Variants in DGKB observed in about 807,000 individuals in gnomAD.
DGKB encodes 90 kDa diacylglycerol kinase.
In DGKB, 67 loss-of-function variants were observed where a neutral mutation model predicts 114.3. That is an observed-to-expected ratio of 0.59 (90% CI 0.48 to 0.72). The LOEUF (loss-of-function observed/expected upper bound fraction) is 0.72. Ranked by LOEUF, DGKB falls within the 30% of genes least tolerant of loss-of-function variation. The probability of loss-of-function intolerance (pLI) is 0.00; values close to 1 mark genes in which losing one functional copy is unlikely to be tolerated. For missense variants in DGKB, 907 were observed against 975.2 expected, an observed-to-expected ratio of 0.93 and a Z score of 0.93; for synonymous variants, 398 against 323.1, an observed-to-expected ratio of 1.23 and a Z score of -2.49.
chr7:14,296,056 G>A (rs1430023194), intron 23 of DGKB, among the ~76,000 whole-genome samples: 4 of 129,568 alleles, frequency 3.1e-5, no homozygotes, highest in East Asian at 4.6e-4. Flanking sequence ...TTTTTTTTCA[G>A]ACAAGAATCT....
intron 23 of DGKB, among the ~76,000 whole-genome samples, chr7:14,338,311 A>C (rs1158855056): frequency 1.3e-5 from 2 of 152,136 alleles, no homozygotes; most frequent in Non-Finnish European, 2.9e-5. Flanking sequence ...TACGAAGAAG[A>C]ATAACGAAAA....
chr7:14,702,890 T>C (rs1825455971), intron 6 of DGKB, among the ~76,000 whole-genome samples: 1 of 152,190 alleles, frequency 6.6e-6, no homozygotes, highest in South Asian at 2.1e-4. Flanking sequence ...GTTAGCCATG[T>C]CACTATAATA....
At position 14,955,770 on chromosome 7, in the gene DGKB, T is replaced by C. The variant is rs556649078; in HGVS notation, c.-188+18926A>G. On this transcript the variant is annotated intron_variant, in intron 1 of 4. Transcript: ENST00000437998. ...TGCTGATAAACGAAGCTGCTCTCTTTAGAGAAAACTTCACAGATGATATGT... is the reference window on the plus strand; with the variant it reads ...TGCTGATAAACGAAGCTGCTCTCTTCAGAGAAAACTTCACAGATGATATGT... Among the ~76,000 whole-genome samples, 3 of 152,086 alleles carry C rather than the reference T, an allele frequency of 2.0e-5. No individual in the cohort carries two copies. The South Asian group carries it at 6.2e-4, about 31-fold the overall frequency.
intron 23 of DGKB, among the ~76,000 whole-genome samples, chr7:14,278,749 T>A (rs902111541): frequency 3.3e-5 from 5 of 152,004 alleles, no homozygotes; most frequent in Non-Finnish European, 7.4e-5. Flanking sequence ...AGGGAGTTAA[T>A]AAGCAAAATA....
chr7:14,846,144 T>C lies in DGKB; in HGVS notation c.-187-4694A>G, dbSNP rs368368835. On this transcript the variant is annotated intron_variant, in intron 1 of 25. Transcript: ENST00000402815. ...CTTCTCTGGATTGATCTACCCCTAT[T>C]TGCATTTTGACAAGTGATATTTACA... 7.4e-3 allele frequency among the ~76,000 whole-genome samples: 1,127 copies of C among 152,300 alleles called. 8 individuals are homozygous for C. The highest frequency in any genetic ancestry group is 0.026 in the African/African-American group (1,084 of 41,548).
chr7:14,254,231 A>T (rs763320278), intron 23 of DGKB, among the ~76,000 whole-genome samples: 85 of 152,326 alleles, frequency 5.6e-4, no homozygotes, highest in Non-Finnish European at 9.0e-4. Context: ...CTCTTGCTAC[A>T]TCCGGAAGAG....
chr7:14,585,568 T>C (rs1020946843), intron 17 of DGKB, among the ~76,000 whole-genome samples: 2 of 152,196 alleles, frequency 1.3e-5, no homozygotes, highest in African/African-American at 4.8e-5. Context: ...TCCATGTCAA[T>C]GGGCATTTCA....
chr7:14,714,865 C>T (rs1488698714), intron 6 of DGKB, among the ~76,000 whole-genome samples: 2 of 152,060 alleles, frequency 1.3e-5, no homozygotes, highest in African/African-American at 2.4e-5. Context: ...GATGGGCAAC[C>T]AAAAGTCAGC....
chr7:14,788,986 C>T (rs1840280851), intron 2 of DGKB, among the ~76,000 whole-genome samples: 1 of 151,986 alleles, frequency 6.6e-6, no homozygotes, highest in Admixed American at 6.6e-5. Flanking sequence ...CCAGGCGTGC[C>T]GAAGGAAAAC....
chr7:14,947,283 T>C (rs17168534), intron 1 of DGKB, among the ~76,000 whole-genome samples: 6,719 of 151,724 alleles, frequency 0.044, 439 homozygotes, highest in African/African-American at 0.15. Context: ...CCATTTGTTA[T>C]TTTGCTTGTA....
At chr7:14,924,285 A>T (rs529780822) in intron 1 of DGKB, among the ~76,000 whole-genome samples, 3 of 152,104 alleles carry the variant, frequency 2.0e-5, no homozygotes, top group African/African-American at 7.2e-5. Context: ...TAATATTGCT[A>T]TTGATTCAGC....
chr7:14,801,431 T>C (rs1457005569), intron 2 of DGKB, among the ~76,000 whole-genome samples: 3 of 152,158 alleles, frequency 2.0e-5, no homozygotes, highest in Non-Finnish European at 4.4e-5. Flanking sequence ...TTAAACATGG[T>C]TTCTGAGTGT....
chr7:14,342,268 C>A (rs1216583911), intron 22 of DGKB, among the ~76,000 whole-genome samples: 2 of 151,756 alleles, frequency 1.3e-5, no homozygotes, highest in Admixed American at 6.6e-5. Context: ...CCCAGTATCC[C>A]TGTCAACCAA....
At chr7:14,418,371 G>GTA (rs369934623) in intron 21 of DGKB, among the ~76,000 whole-genome samples, 2,051 of 129,846 alleles carry the variant, frequency 0.016, 39 homozygotes, top group South Asian at 0.049. Flanking sequence ...ATGTGTGTGT[G>GTA]TATATATATA....
intron 1 of DGKB, among the ~76,000 whole-genome samples, chr7:14,896,305 T>G (rs75373445): frequency 0.035 from 5,302 of 151,876 alleles, 141 homozygotes; most frequent in Middle Eastern, 0.058. Flanking sequence ...TGAGGATTAA[T>G]TGCATGCCAG....
chr7:14,876,249 T>C (rs951672052), intron 1 of DGKB, among the ~76,000 whole-genome samples: 5 of 152,164 alleles, frequency 3.3e-5, no homozygotes, highest in African/African-American at 1.2e-4. Flanking sequence ...TTTAAAAAAA[T>C]TTCTGCATAA....
intron 1 of DGKB, among the ~76,000 whole-genome samples, chr7:14,853,841 C>A (rs1454033467): frequency 1.5e-5 from 2 of 136,074 alleles, no homozygotes; most frequent in East Asian, 4.2e-4. Flanking sequence ...GCACTTCAGC[C>A]TGGGCGACAG....
At chr7:14,492,966 CAT>C (rs1368111105) in intron 20 of DGKB, among the ~76,000 whole-genome samples, 2 of 152,084 alleles carry the variant, frequency 1.3e-5, no homozygotes, top group Non-Finnish European at 2.9e-5. Context: ...CTTACATAGA[CAT>C]AACCATTTTT....
chr7:14,821,962 A>G (rs1845003612), intron 2 of DGKB, among the ~76,000 whole-genome samples: 1 of 152,114 alleles, frequency 6.6e-6, no homozygotes, highest in Non-Finnish European at 1.5e-5. Context: ...GAGTGAGGAC[A>G]AGTCATCTTG....
Sources: gnomAD v4.1 joint callset for allele counts (sites outside exome capture counted in the v4.1 genomes callset) on GRCh38, gnomAD v4.1.1 for gene constraint, MANE v1.5 for transcripts, NCBI Gene and HGNC (gene_info 2026-07-23, HGNC 2026-07-21) for gene names.